SEC11A: variants seen among roughly 807,000 people sequenced by gnomAD.
SEC11A encodes the protein SEC11 homolog A, signal peptidase complex subunit, also known as signal peptidase complex catalytic subunit SEC11A.
SEC11A carries 14 observed loss-of-function variants against 25.6 expected under a neutral mutation model. The ratio of observed to expected loss-of-function variants is 0.55; its 90% CI spans 0.36 to 0.85. The LOEUF (loss-of-function observed/expected upper bound fraction) is 0.85. Ranked by LOEUF, SEC11A falls within the 40% of genes least tolerant of loss-of-function variation. The pLI, the probability that SEC11A is intolerant of heterozygous loss-of-function variation, is 0.01. For synonymous variants in SEC11A, 83 were observed against 76.4 expected (o/e 1.09, Z -0.45); for missense variants, 153 against 222.9 (o/e 0.69, Z 2.00).
intron 3 of SEC11A, among the ~76,000 whole-genome samples, chr15:84,683,892 A>G (rs1897345900): frequency 1.3e-5 from 2 of 152,218 alleles, no homozygotes; most frequent in Admixed American, 6.5e-5. Context: ...GAGTGAAGGC[A>G]TATTTACATA....
intron 3 of SEC11A, among the ~76,000 whole-genome samples, chr15:84,681,365 C>T (rs1270993534): frequency 6.6e-6 from 1 of 152,232 alleles, no homozygotes; most frequent in Non-Finnish European, 1.5e-5. Context: ...CGCGGTGGCT[C>T]ACGCCTGTAA....
At chr15:84,676,557 T>C (rs1266181776) in intron 4 of SEC11A, among the ~76,000 whole-genome samples, 2 of 150,926 alleles carry the variant, frequency 1.3e-5, no homozygotes, top group Non-Finnish European at 3.0e-5. Flanking sequence ...GCAGATCACC[T>C]GATGTCAGGA....
intron 1 of SEC11A, chr15:84,692,023 T>TA: frequency 1.1e-5 from 1 of 88,588 alleles, no homozygotes; most frequent in Non-Finnish European, 2.2e-5. Flanking sequence ...TTTTTCTTTT[T>TA]CTTTTTTTTT....
intron 1 of SEC11A, among the ~76,000 whole-genome samples, chr15:84,693,226 T>A (rs1420281062): frequency 3.9e-5 from 6 of 152,190 alleles, no homozygotes; most frequent in African/African-American, 1.4e-4. Flanking sequence ...AAGACTGTTC[T>A]AGATTAAAAA....
intron 4 of SEC11A, chr15:84,672,347 G>A (rs749402363): frequency 1.3e-5 from 2 of 156,366 alleles, no homozygotes; most frequent in African/African-American, 2.4e-5. Flanking sequence ...CTGCCATCTC[G>A]GCTCACTGCA....
intron 4 of SEC11A, among the ~76,000 whole-genome samples, chr15:84,677,480 T>C (rs1205942905): frequency 4.6e-5 from 7 of 150,994 alleles, no homozygotes; most frequent in African/African-American, 9.7e-5. Flanking sequence ...TTTTTCTTTT[T>C]TTTTTTTTTT....
rs564000010 is a variant in SEC11A at position 84,680,840 on chromosome 15, G to C, written c.312-8C>G. On this transcript the variant is annotated splice_region_variant and splice_polypyrimidine_tract_variant and intron_variant, in intron 3 of 5. Transcript: ENST00000268220. ...TTGATATGCCCATTTTGCCTTAAAA[G>C]AGTAAAGGAAACCCAAGTCATCAAA... The C allele has an allele frequency of 6.2e-7, 1 of 1,600,332 alleles. No homozygotes were observed. Among genetic ancestry groups the C allele is most frequent in the South Asian group, 1.1e-5 (1 of 89,390 alleles).
chr15:84,712,928 C>T (rs62021219), intron 1 of SEC11A, among the ~76,000 whole-genome samples: 30,584 of 151,866 alleles, frequency 0.2, 3,871 homozygotes, highest in Middle Eastern at 0.36. Flanking sequence ...ATCGGCCGGC[C>T]GGGAGCAGTG....
intron 3 of SEC11A, among the ~76,000 whole-genome samples, chr15:84,683,392 CAAACAA>C (rs905963423): frequency 2.1e-5 from 3 of 143,500 alleles, no homozygotes; most frequent in African/African-American, 8.3e-5. Context: ...GCAAAACAAA[CAAACAA>C]ACAAACAAAC....
intron 1 of SEC11A, among the ~76,000 whole-genome samples, chr15:84,704,928 T>TC (rs1251351371): frequency 6.6e-6 from 1 of 151,168 alleles, no homozygotes; most frequent in East Asian, 1.9e-4. Flanking sequence ...GTCTTTTTTT[T>TC]TTTCTCTTTT....
chr15:84,713,939 AG>A (rs1485774335), intron 1 of SEC11A, among the ~76,000 whole-genome samples: 3 of 151,868 alleles, frequency 2.0e-5, no homozygotes, highest in Non-Finnish European at 4.4e-5. Flanking sequence ...CTGCTAGAAC[AG>A]GTCATATCCT....
intron 1 of SEC11A, among the ~76,000 whole-genome samples, chr15:84,695,679 T>A (rs1897746941): frequency 6.6e-6 from 1 of 152,112 alleles, no homozygotes; most frequent in Non-Finnish European, 1.5e-5. Context: ...TTGTACCATT[T>A]TCTATTTTCT....
Position 84,681,357 on chromosome 15 carries a change from C to T in SEC11A, c.312-525G>A, listed in dbSNP as rs569424038. 7.2e-5 allele frequency among the ~76,000 whole-genome samples: 11 copies of T among 152,340 alleles called. No individual in the cohort carries two copies. The East Asian group carries it at 7.7e-4, about 11-fold the overall frequency. ...AGATTAAACAAGAGACGGCCAGGCG[C>T]GGTGGCTCACGCCTGTAATCCCAGC... On this transcript the variant is annotated intron_variant, in intron 3 of 5. Coordinates refer to ENST00000268220, the MANE Select transcript of SEC11A (RefSeq NM_014300.4).
intron 4 of SEC11A, among the ~76,000 whole-genome samples, chr15:84,677,093 G>GA (rs761700015): frequency 1.6e-4 from 24 of 146,284 alleles, no homozygotes; most frequent in East Asian, 4.0e-4. Flanking sequence ...TCTGTCTCAA[G>GA]AAAAAAAAAA....
intron 1 of SEC11A, among the ~76,000 whole-genome samples, chr15:84,698,897 CAAGCATTTCAGA>C (rs1306759069): frequency 6.6e-6 from 1 of 152,170 alleles, no homozygotes. Context: ...CTTCTGGCCC[CAAGCATTTCAGA>C]TAACAGATAC....
At chr15:84,689,266 A>C (rs1484361515) in intron 2 of SEC11A, among the ~76,000 whole-genome samples, 1 of 152,076 alleles carries the variant, frequency 6.6e-6, no homozygotes, top group Non-Finnish European at 1.5e-5. Context: ...TTATCACAAA[A>C]AAATAGAAAG....
intron 1 of SEC11A, among the ~76,000 whole-genome samples, chr15:84,708,205 CAAAAAAAAAAA>C (rs71132699): frequency 3.1e-4 from 11 of 35,426 alleles, no homozygotes; most frequent in South Asian, 1.4e-3. Context: ...GGCTCTGTCT[CAAAAAAAAAAA>C]AAAAAAAAAA....
intron 1 of SEC11A, among the ~76,000 whole-genome samples, chr15:84,704,104 C>T (rs1306050188): frequency 1.3e-5 from 2 of 152,278 alleles, no homozygotes; most frequent in Admixed American, 6.5e-5. Flanking sequence ...CCTGATGGCA[C>T]GCTGATCATA....
chr15:84,684,760 T>C (rs1197251447), intron 3 of SEC11A, among the ~76,000 whole-genome samples: 1 of 152,012 alleles, frequency 6.6e-6, no homozygotes, highest in Non-Finnish European at 1.5e-5. Context: ...GGTGAAACCC[T>C]GCCTCTACTA....
Sources: allele counts gnomAD v4.1 joint callset (sites outside exome capture counted in the v4.1 genomes callset), GRCh38; gene constraint gnomAD v4.1.1; transcripts MANE v1.5; gene names NCBI Gene and HGNC (gene_info 2026-07-23, HGNC 2026-07-21).